SLC6A6: variants seen among roughly 807,000 people sequenced by gnomAD.
The protein encoded by SLC6A6 is sodium- and chloride-dependent taurine transporter.
Under a neutral mutation model 68.8 loss-of-function variants are expected in SLC6A6, and 16 were observed. That is an observed-to-expected ratio of 0.23 (90% CI 0.16 to 0.35). The LOEUF is 0.35. Ranked by LOEUF, SLC6A6 falls within the 10% of genes least tolerant of loss-of-function variation. The probability of loss-of-function intolerance (pLI) is 1.00; values close to 1 mark genes in which losing one functional copy is unlikely to be tolerated. For synonymous variants in SLC6A6, 312 were observed against 315.4 expected (o/e 0.99, Z 0.12); for missense variants, 474 against 802.8 (o/e 0.59, Z 4.95).
chr3:14,461,657 G>C (rs1700498669), intron 6 of SLC6A6, among the ~76,000 whole-genome samples: 1 of 152,224 alleles, frequency 6.6e-6, no homozygotes, highest in African/African-American at 2.4e-5. Flanking sequence ...GCAGGGGGTA[G>C]TCAGAGCCAG....
chr3:14,452,221 T>C (rs1275352801), intron 5 of SLC6A6, among the ~76,000 whole-genome samples: 2 of 152,146 alleles, frequency 1.3e-5, no homozygotes, highest in African/African-American at 2.4e-5. Flanking sequence ...AAAGCTCAAC[T>C]CTGGCTCCCA....
rs2124956706 is a variant in SLC6A6 at position 14,450,829 on chromosome 3, C to A, written c.599+3013C>A. Among the ~76,000 whole-genome samples the A allele has an allele frequency of 6.6e-6, 1 of 152,360 alleles. No individual in the cohort carries two copies. Among genetic ancestry groups the A allele is most frequent in the South Asian group, 2.1e-4 (1 of 4,834 alleles). On this transcript the variant is annotated intron_variant, in intron 5 of 14. Transcript: ENST00000622186. This position sits in a 1 kb window ranked among gnomAD's most constrained non-coding sequence, Gnocchi z 4.1. ...ATGCAATGGTGGAAAGGCAAGAGAA[C>A]CAGTAGGGAATAGTTGACTCCTGTG...
In SLC6A6 at chr3:14,468,357, A is replaced by C; in HGVS notation, c.1096+145A>C. On this transcript the variant is annotated intron_variant, in intron 9 of 14. Transcript: ENST00000622186. The surrounding 1 kb of genome is among the most constrained non-coding windows in gnomAD (Gnocchi z 4.5). ...TGGACCCCCCCCCCGCCACCAAGAT[A>C]TCCCCCAAATTTCAAAGAGTACAAA... The C allele has an allele frequency of 4.3e-6, 3 of 700,334 alleles. No individual in the cohort carries two copies. Among genetic ancestry groups the C allele is most frequent in the Non-Finnish European group, 4.5e-6 (2 of 442,890 alleles). 43.4% of individuals were successfully genotyped at this position (700,334 alleles called of 1,614,324 possible).
chr3:14,405,040 G>A (rs1365893551), intron 1 of SLC6A6, among the ~76,000 whole-genome samples: 1 of 152,218 alleles, frequency 6.6e-6, no homozygotes, highest in African/African-American at 2.4e-5. Context: ...GCCTTGACTG[G>A]ACAAAATTAA....
chr3:14,418,537 C>T (rs1699415385), intron 2 of SLC6A6, among the ~76,000 whole-genome samples: 1 of 152,184 alleles, frequency 6.6e-6, no homozygotes, highest in African/African-American at 2.4e-5. Context: ...CGACGTCAGC[C>T]TCCACAGGCG....
rs760418984 is a variant in SLC6A6, at chr3:14,466,626, C to T, written c.843C>T (p.Asp281=). 1 of 1,612,322 alleles carries T rather than the reference C, an allele frequency of 6.2e-7. No individual in the cohort carries two copies. The highest frequency in any genetic ancestry group is 8.5e-7 in the Non-Finnish European group (1 of 1,178,866). Residue 281 remains aspartate (D), a synonymous_variant, in exon 7 of 15, where the codon GAC becomes GAT. Coordinates refer to ENST00000622186, the MANE Select transcript of SLC6A6 (RefSeq NM_003043.6). ...GCATCAAGTTCTATCTGTATCCTGA[C>T]ATCACCCGCCTTGAGGACCCACAGG... The part of the protein sequence containing the change: ...GAGIKFYLYP[D]ITRLEDPQVW...
At position 14,419,010 on chromosome 3, in the gene SLC6A6, G is replaced by C. The variant is rs138439400; in HGVS notation, c.-12+2557G>C. On this transcript the variant is annotated intron_variant, in intron 2 of 14. Transcript: ENST00000622186. ...CCTGGGAAATGAGGCTCCTGCTGCCGTGAGGCTGGAATGTGAGTTCTGCTT... is the reference window on the plus strand; with the variant it reads ...CCTGGGAAATGAGGCTCCTGCTGCCCTGAGGCTGGAATGTGAGTTCTGCTT... Among the ~76,000 whole-genome samples the C allele has an allele frequency of 2.8e-3, 431 of 152,312 alleles. 3 individuals carry two copies. The highest frequency in any genetic ancestry group is 9.8e-3 in the African/African-American group (407 of 41,572).
rs1269202473 is a variant in SLC6A6, at chr3:14,443,708, G to C, written c.74G>C (p.Ser25Thr). 1 of 1,614,026 alleles carries C rather than the reference G, an allele frequency of 6.2e-7. No individual in the cohort carries two copies. The highest frequency in any genetic ancestry group is 8.5e-7 in the Non-Finnish European group (1 of 1,179,982). Residue 25 changes from serine (S) to threonine (T), a missense_variant, in exon 3 of 15, where the codon AGC (serine) becomes ACC (threonine). Transcript: ENST00000622186. ...ATCCTGAAGCCCTCACCAGGGAAGA[G>C]CCCAGGCACGCGGCCTGAGGACGAG... ...KDILKPSPGK[S>T]PGTRPEDEAE...
rs138405130 is a variant in SLC6A6, at chr3:14,485,159, C to CATGT, written c.*152_*153insATGT. The CATGT allele has an allele frequency of 2.2e-4, 104 of 463,870 alleles. No individual in the cohort carries two copies. Among genetic ancestry groups the CATGT allele is most frequent in the African/African-American group, 1.0e-3 (48 of 47,640 alleles). 28.7% of individuals were successfully genotyped at this position (463,870 alleles called of 1,614,324 possible). A position where few individuals can be genotyped will look rare whatever the true frequency, so the allele number is the denominator to read the frequency against. Reference sequence around the variant, plus strand: ...ATGTAATTGTGGGTATGTGTGCGTGCGTGTGTGTGTGTGTGTGTATCGTGT... The same window carrying CATGT: ...ATGTAATTGTGGGTATGTGTGCGTGCATGTGTGTGTGTGTGTGTGTGTATCGTGT... On this transcript the variant is annotated 3_prime_UTR_variant, in exon 15 of 15. Transcript: ENST00000622186.
Position 14,485,059 on chromosome 3 carries a change from G to A in SLC6A6, c.*52G>A. The A allele has an allele frequency of 4.7e-6, 7 of 1,500,194 alleles. No individual in the cohort carries two copies. Among genetic ancestry groups the A allele is most frequent in the Non-Finnish European group, 6.4e-6 (7 of 1,097,588 alleles). 92.9% of individuals were successfully genotyped at this position (1,500,194 alleles called of 1,614,324 possible). A position where few individuals can be genotyped will look rare whatever the true frequency, so the allele number is the denominator to read the frequency against. ...GCTTTCCTGCTGTTTACTAACATTA[G>A]ATTCTCATAGGACCAGGTTTACAGA... On this transcript the variant is annotated 3_prime_UTR_variant, in exon 15 of 15. Transcript: ENST00000622186.
chr3:14,465,675 C>G (rs1451609632), intron 6 of SLC6A6, among the ~76,000 whole-genome samples: 1 of 152,150 alleles, frequency 6.6e-6, no homozygotes, highest in African/African-American at 2.4e-5. Flanking sequence ...GGATTTGAAC[C>G]CTTGCTTATC....
chr3:14,460,265 TG>T (rs1178336019), intron 6 of SLC6A6, among the ~76,000 whole-genome samples: 2 of 152,030 alleles, frequency 1.3e-5, no homozygotes, highest in African/African-American at 4.8e-5. Flanking sequence ...CAGGAGCTGA[TG>T]GCCTGGCAGG....
At chr3:14,409,259 A>G (rs1436546683) in intron 1 of SLC6A6, among the ~76,000 whole-genome samples, 1 of 152,124 alleles carries the variant, frequency 6.6e-6, no homozygotes, top group African/African-American at 2.4e-5. Context: ...GGAGCCACTG[A>G]CTTTGCGTGT....
chr3:14,477,137 C>T lies in SLC6A6; in HGVS notation c.1210-68C>T. 8 of 1,503,208 alleles carry T rather than the reference C, an allele frequency of 5.3e-6. No homozygotes were observed. The South Asian group carries it at 9.6e-5, about 18-fold the overall frequency. The allele number at this position is 1,503,208 out of a possible 1,614,324, so 93.1% of individuals were successfully genotyped here. ...GCATTGTGTGTTCCTGGGCCCTTCC[C>T]TCCGAGCAGCAGGCAAGGGTGGCCT... On this transcript the variant is annotated intron_variant, in intron 10 of 14. Coordinates refer to ENST00000622186, the MANE Select transcript of SLC6A6 (RefSeq NM_003043.6). This position sits in a 1 kb window ranked among gnomAD's most constrained non-coding sequence, Gnocchi z 4.2.
rs1454144165 is a variant in SLC6A6, at chr3:14,402,903, C to T, written c.-54+56C>T. 1 of 389,084 alleles carries T rather than the reference C, an allele frequency of 2.6e-6. No homozygotes were observed. The allele number at this position is 389,084 out of a possible 1,614,324, so 24.1% of individuals were successfully genotyped here. A position where few individuals can be genotyped will look rare whatever the true frequency, so the allele number is the denominator to read the frequency against. On this transcript the variant is annotated intron_variant, in intron 1 of 14. Coordinates refer to ENST00000622186, the MANE Select transcript of SLC6A6 (RefSeq NM_003043.6). This position sits in a 1 kb window ranked among gnomAD's most constrained non-coding sequence, Gnocchi z 4.8. ...GCCGGCGCTGCCCGCCGTCTGCAGC[C>T]CCTCCCCATCCCCGCGTCGCCGCAG... is the stretch of plus-strand genomic sequence containing the variant.
chr3:14,433,935 G>A (rs1233366832), intron 2 of SLC6A6, among the ~76,000 whole-genome samples: 2 of 151,944 alleles, frequency 1.3e-5, no homozygotes, highest in Admixed American at 6.6e-5. Context: ...TTAGCCAAAA[G>A]CGTTGAGCCC....
At chr3:14,453,697 A>C (rs1400034115) in intron 5 of SLC6A6, among the ~76,000 whole-genome samples, 1 of 152,258 alleles carries the variant, frequency 6.6e-6, no homozygotes, top group Non-Finnish European at 1.5e-5. Context: ...TATAATATAA[A>C]AGCAATAAGT....
chr3:14,438,355 A>C (rs1013837495), intron 2 of SLC6A6, among the ~76,000 whole-genome samples: 1 of 152,106 alleles, frequency 6.6e-6, no homozygotes, highest in Non-Finnish European at 1.5e-5. Context: ...AAGCGGAGGC[A>C]CAGAGAGGTT....
rs144376586 is a variant in SLC6A6, at chr3:14,476,883, C to G, written c.1210-322C>G. On this transcript the variant is annotated intron_variant, in intron 10 of 14. Transcript: ENST00000622186. ...TCAGAGGCGCAGTTGTTCTCAAGCT[C>G]AGCTTTGGAGGATGGGGAAAGGCAT... Among the ~76,000 whole-genome samples, 765 of 152,316 alleles carry G rather than the reference C, an allele frequency of 5.0e-3. 8 individuals are homozygous for G. Among genetic ancestry groups the G allele is most frequent in the African/African-American group, 0.017 (717 of 41,570 alleles).
Sources: gnomAD v4.1 joint callset for allele counts (sites outside exome capture counted in the v4.1 genomes callset) on GRCh38, gnomAD v4.1.1 for gene constraint, Gnocchi (gnomAD v3.1) non-coding constraint, MANE v1.5 for transcripts, NCBI Gene and HGNC (gene_info 2026-07-23, HGNC 2026-07-21) for gene names.